The following SCAMP1 variants were observed in gnomAD, a reference collection of about 807,000 sequenced individuals.
SCAMP1 encodes secretory carrier-associated membrane protein 1.
Under a neutral mutation model 41.8 loss-of-function variants are expected in SCAMP1, and 15 were observed. The ratio of observed to expected loss-of-function variants is 0.36; its 90% CI spans 0.24 to 0.55. SCAMP1 has a LOEUF of 0.55. Among genes scored for constraint, SCAMP1 ranks in the 20% least tolerant of loss-of-function variants. The pLI, the probability that SCAMP1 is intolerant of heterozygous loss-of-function variation, is 0.86. For synonymous variants in SCAMP1, 135 were observed against 136.8 expected (o/e 0.99, Z 0.09); for missense variants, 341 against 412.6 (o/e 0.83, Z 1.50).
At chr5:78,373,919 C>T (rs933433046) in intron 1 of SCAMP1, among the ~76,000 whole-genome samples, 3 of 152,022 alleles carry the variant, frequency 2.0e-5, no homozygotes, top group Non-Finnish European at 2.9e-5. Flanking sequence ...GGAGAGCTTG[C>T]CAGTTTAATA....
chr5:78,412,309 G>T (rs151088425), intron 2 of SCAMP1, among the ~76,000 whole-genome samples: 22 of 151,346 alleles, frequency 1.5e-4, no homozygotes, highest in East Asian at 9.7e-4. Context: ...TTTTCTTCAC[G>T]CCAAGAGCAG....
intron 1 of SCAMP1, among the ~76,000 whole-genome samples, chr5:78,372,834 C>G (rs1162709391): frequency 3.3e-5 from 5 of 152,018 alleles, no homozygotes; most frequent in African/African-American, 1.2e-4. Context: ...ATACAGGCAA[C>G]TTGGGGTAAA....
intron 1 of SCAMP1, among the ~76,000 whole-genome samples, chr5:78,364,549 G>A (rs1161597659): frequency 2.0e-5 from 3 of 152,204 alleles, no homozygotes; most frequent in African/African-American, 7.2e-5. Flanking sequence ...TGTAGAATTG[G>A]CATTAGAACT....
intron 4 of SCAMP1, among the ~76,000 whole-genome samples, chr5:78,417,338 G>A (rs1580678388): frequency 6.6e-6 from 1 of 152,286 alleles, no homozygotes; most frequent in East Asian, 1.9e-4. Context: ...TAAGTCTAGG[G>A]CCTCATGAGA....
intron 1 of SCAMP1, among the ~76,000 whole-genome samples, chr5:78,387,658 T>C (rs2112083069): frequency 6.6e-6 from 1 of 152,258 alleles, no homozygotes; most frequent in Non-Finnish European, 1.5e-5. Context: ...GCTCCCTTGA[T>C]GTGGTGCTCC....
At chr5:78,436,849 T>C (rs749704443) in intron 6 of SCAMP1, among the ~76,000 whole-genome samples, 1 of 152,184 alleles carries the variant, frequency 6.6e-6, no homozygotes, top group Non-Finnish European at 1.5e-5. Context: ...ATTCTTCCTA[T>C]ACATGGGCAT....
At position 78,360,709 on chromosome 5, in the gene SCAMP1, A is replaced by T; in HGVS notation, c.38A>T (p.Asp13Val). ...GACAGTAACCCGTTTGCCGACCCGG[A>T]TCTCAACAATCCCTTCAAGGTGAGC... ...DFDSNPFADP[D>V]LNNPFKDPSV... Residue 13 changes from aspartate to valine, a missense_variant, in exon 1 of 9, where the codon GAT becomes GTT. Transcript: ENST00000621999. 6.2e-7 allele frequency: 1 copy of T among 1,610,110 alleles called. No homozygotes were observed. The highest frequency in any genetic ancestry group is 8.5e-7 in the Non-Finnish European group (1 of 1,178,442).
chr5:78,399,680 G>A (rs1039882307), intron 2 of SCAMP1, among the ~76,000 whole-genome samples: 2 of 152,084 alleles, frequency 1.3e-5, no homozygotes, highest in African/African-American at 4.8e-5. Context: ...GAATTTTAAG[G>A]GTTCTTGTAT....
At chr5:78,450,281 G>C (rs1473348433) in intron 7 of SCAMP1, among the ~76,000 whole-genome samples, 1 of 152,104 alleles carries the variant, frequency 6.6e-6, no homozygotes, top group African/African-American at 2.4e-5. Flanking sequence ...ATGTATGTAA[G>C]GGCGCTAAGA....
intron 1 of SCAMP1, among the ~76,000 whole-genome samples, chr5:78,374,669 TTC>T (rs1254278316): frequency 6.6e-6 from 1 of 151,774 alleles, no homozygotes; most frequent in Non-Finnish European, 1.5e-5. Flanking sequence ...AAAGAAATCT[TTC>T]TCTAGAATCT....
chr5:78,384,707 G>A (rs923880077), intron 1 of SCAMP1, among the ~76,000 whole-genome samples: 2 of 152,038 alleles, frequency 1.3e-5, no homozygotes, highest in African/African-American at 2.4e-5. Context: ...CTATTGAGAT[G>A]ATCAGGTAAT....
chr5:78,397,409 C>T (rs73130395), intron 2 of SCAMP1, among the ~76,000 whole-genome samples: 4,323 of 152,138 alleles, frequency 0.028, 221 homozygotes, highest in African/African-American at 0.097. Context: ...TCTTCATGAC[C>T]TTTAGTTAGG....
rs573897426 is a variant in SCAMP1 at position 78,472,035 on chromosome 5, A to AT, written c.853-3459dup. Among the ~76,000 whole-genome samples the AT allele has an allele frequency of 9.0e-4, 135 of 149,944 alleles. 1 individual carries two copies. The highest frequency in any genetic ancestry group is 2.0e-3 in the African/African-American group (80 of 40,930). ...GAAAAGATAGTATTTAAGTTGTTTA[A>AT]TTTTTTTTTTGAATTCTCTAGGCTA... On this transcript the variant is annotated intron_variant, in intron 8 of 8. Coordinates refer to ENST00000621999, the MANE Select transcript of SCAMP1 (RefSeq NM_004866.6).
At position 78,438,323 on chromosome 5, in the gene SCAMP1, T is replaced by A. The variant is rs570779411; in HGVS notation, c.633-11610T>A. Among the ~76,000 whole-genome samples the A allele has an allele frequency of 1.6e-4, 25 of 152,374 alleles. No individual in the cohort carries two copies. The East Asian group carries it at 4.8e-3, about 29-fold the overall frequency. On this transcript the variant is annotated intron_variant, in intron 6 of 8. Coordinates refer to ENST00000621999, the MANE Select transcript of SCAMP1 (RefSeq NM_004866.6). ...GTGGTGATAGGGTGTCTATTTTAGA[T>A]CTTTCCTGCTTTCTCTTGTGAGCAT...
chr5:78,409,155 A>G (rs552586094), intron 2 of SCAMP1, among the ~76,000 whole-genome samples: 1 of 152,246 alleles, frequency 6.6e-6, no homozygotes, highest in African/African-American at 2.4e-5. Flanking sequence ...CAGATGGATC[A>G]CTAGTAATTT....
At chr5:78,444,952 G>T (rs1333636691) in intron 6 of SCAMP1, among the ~76,000 whole-genome samples, 1 of 152,164 alleles carries the variant, frequency 6.6e-6, no homozygotes, top group Non-Finnish European at 1.5e-5. Context: ...AACTTTAAGT[G>T]GGAGAGTCTG....
intron 1 of SCAMP1, among the ~76,000 whole-genome samples, chr5:78,361,607 C>T (rs1750654649): frequency 6.6e-6 from 1 of 152,210 alleles, no homozygotes; most frequent in South Asian, 2.1e-4. Context: ...TCATCGTCTG[C>T]GTTTAAATGA....
chr5:78,363,812 A>T (rs1750724852), intron 1 of SCAMP1, among the ~76,000 whole-genome samples: 1 of 150,414 alleles, frequency 6.6e-6, no homozygotes, highest in Non-Finnish European at 1.5e-5. Context: ...GATTCAGTTC[A>T]TTTTTTTTTG....
At chr5:78,397,197 C>G (rs965122317) in intron 2 of SCAMP1, among the ~76,000 whole-genome samples, 1 of 152,170 alleles carries the variant, frequency 6.6e-6, no homozygotes, top group Non-Finnish European at 1.5e-5. Context: ...TTATGATCAA[C>G]TGATTTTTGA....
Sources: gnomAD v4.1 joint callset for allele counts (sites outside exome capture counted in the v4.1 genomes callset) on GRCh38, gnomAD v4.1.1 for gene constraint, MANE v1.5 for transcripts, NCBI Gene and HGNC (gene_info 2026-07-23, HGNC 2026-07-21) for gene names.